PEX5L: variants seen among roughly 807,000 people sequenced by gnomAD.
PEX5L encodes the protein PEX5-related protein.
PEX5L carries 30 observed loss-of-function variants against 84.0 expected under a neutral mutation model. That is an observed-to-expected ratio of 0.36 (90% CI 0.27 to 0.48). The LOEUF (loss-of-function observed/expected upper bound fraction) is 0.48, where lower values mean the gene tolerates loss of function less well. Among genes scored for constraint, PEX5L ranks in the 20% least tolerant of loss-of-function variants. The probability of loss-of-function intolerance (pLI) is 0.99; values close to 1 mark genes in which losing one functional copy is unlikely to be tolerated. For missense variants in PEX5L, 533 were observed against 754.6 expected (o/e 0.71, Z 3.44); for synonymous variants, 270 against 283.1 (o/e 0.95, Z 0.46).
intron 8 of PEX5L, among the ~76,000 whole-genome samples, chr3:179,834,927 A>C (rs1036727871): frequency 6.6e-6 from 1 of 152,228 alleles, no homozygotes; most frequent in Non-Finnish European, 1.5e-5. Context: ...TCTTAATCCA[A>C]TACGGCTGAT....
At chr3:179,870,179 T>C (rs1749794120) in intron 7 of PEX5L, among the ~76,000 whole-genome samples, 1 of 152,220 alleles carries the variant, frequency 6.6e-6, no homozygotes, top group Non-Finnish European at 1.5e-5. Flanking sequence ...TAGCAGTAGA[T>C]ACTGACAATT....
At chr3:180,008,686 G>A (rs1165648820) in intron 1 of PEX5L, among the ~76,000 whole-genome samples, 3 of 152,140 alleles carry the variant, frequency 2.0e-5, no homozygotes, top group South Asian at 2.1e-4. Context: ...GGCAGCAAGA[G>A]AAAATGAGGA....
At chr3:179,874,738 G>GTTT (rs3836472) in intron 6 of PEX5L, among the ~76,000 whole-genome samples, 81 of 45,932 alleles carry the variant, frequency 1.8e-3, no homozygotes, top group East Asian at 5.6e-3. Context: ...TTTTTTTTTT[G>GTTT]TTTTTTTTTT....
intron 9 of PEX5L, among the ~76,000 whole-genome samples, chr3:179,819,084 C>G (rs1465384042): frequency 6.6e-6 from 1 of 151,348 alleles, no homozygotes; most frequent in African/African-American, 2.4e-5. Flanking sequence ...TTCAGGCTCA[C>G]ATTGTTTTTT....
At chr3:179,847,489 CAGCATATTAA>C (rs557374979) in intron 8 of PEX5L, among the ~76,000 whole-genome samples, 1 of 152,064 alleles carries the variant, frequency 6.6e-6, no homozygotes, top group South Asian at 2.1e-4. Context: ...GCTATATACC[CAGCATATTAA>C]AGCATATTAT....
intron 2 of PEX5L, among the ~76,000 whole-genome samples, chr3:179,966,069 TC>T (rs954755453): frequency 8.5e-5 from 13 of 152,318 alleles, no homozygotes; most frequent in African/African-American, 3.1e-4. Flanking sequence ...TCTCTCTCAT[TC>T]CAAATAAATC....
chr3:179,981,186 G>T (rs1394181586), intron 1 of PEX5L, among the ~76,000 whole-genome samples: 4 of 152,168 alleles, frequency 2.6e-5, no homozygotes, highest in Admixed American at 6.5e-5. Context: ...GTTGCCCAGG[G>T]TTGTGGGGGT....
At chr3:179,855,692 C>T (rs1029363435) in intron 8 of PEX5L, among the ~76,000 whole-genome samples, 5 of 152,088 alleles carry the variant, frequency 3.3e-5, no homozygotes, top group Non-Finnish European at 7.4e-5. Flanking sequence ...GATTAGGTCA[C>T]GAGGGCGGGG....
At chr3:179,808,930 C>T (rs1006144855) in intron 12 of PEX5L, among the ~76,000 whole-genome samples, 7 of 151,672 alleles carry the variant, frequency 4.6e-5, no homozygotes, top group Non-Finnish European at 1.0e-4. Flanking sequence ...AAAAATTAGC[C>T]GGGCGTGTTG....
intron 7 of PEX5L, among the ~76,000 whole-genome samples, chr3:179,871,425 G>T (rs1240347814): frequency 1.3e-5 from 2 of 152,118 alleles, no homozygotes; most frequent in Non-Finnish European, 2.9e-5. Context: ...TACTTTTAAG[G>T]TGAATTTTTA....
Position 179,841,085 on chromosome 3 carries a change from C to T in PEX5L, c.822+17977G>A, listed in dbSNP as rs539626559. Among the ~76,000 whole-genome samples, 49 of 152,186 alleles carry T rather than the reference C, an allele frequency of 3.2e-4. 2 individuals carry two copies. Among genetic ancestry groups the T allele is most frequent in the African/African-American group, 1.0e-3 (42 of 41,518 alleles). On this transcript the variant is annotated intron_variant, in intron 8 of 14. Transcript: ENST00000467460. ...ACAGAAAAGGAGACTGGGAACGCAT[C>T]GCCAGTGAGGTGGGAGAAAAACGAG...
chr3:179,930,619 G>A (rs998611433), intron 2 of PEX5L, among the ~76,000 whole-genome samples: 5 of 152,172 alleles, frequency 3.3e-5, no homozygotes, highest in African/African-American at 9.7e-5. Flanking sequence ...AAATAACCAT[G>A]TTTGGGCTTT....
intron 3 of PEX5L, among the ~76,000 whole-genome samples, chr3:179,897,404 T>C (rs563713332): frequency 2.8e-4 from 43 of 152,312 alleles, no homozygotes; most frequent in African/African-American, 1.0e-3. Flanking sequence ...CATATTTATG[T>C]AGATTTTACA....
chr3:179,948,230 A>C (rs7623941), intron 2 of PEX5L, among the ~76,000 whole-genome samples: 88,860 of 152,050 alleles, frequency 0.58, 26,979 homozygotes, highest in African/African-American at 0.75. Context: ...ATATTACAGT[A>C]TTTGCATTTG....
At chr3:179,902,752 A>G in intron 2 of PEX5L, 3 of 423,380 alleles carry the variant, frequency 7.1e-6, no homozygotes, top group South Asian at 3.5e-5. Flanking sequence ...AGATTCTATT[A>G]CTGCTACCAA....
chr3:179,863,095 G>A (rs1385830329), intron 7 of PEX5L, among the ~76,000 whole-genome samples: 3 of 152,180 alleles, frequency 2.0e-5, no homozygotes, highest in Non-Finnish European at 4.4e-5. Flanking sequence ...AGAAAGAACA[G>A]TGTCTTCAAT....
At chr3:179,951,139 C>T (rs932482257) in intron 2 of PEX5L, among the ~76,000 whole-genome samples, 5 of 152,136 alleles carry the variant, frequency 3.3e-5, no homozygotes, top group African/African-American at 1.2e-4. Context: ...GAAATAATAT[C>T]GAGCTTTGTG....
chr3:179,903,220 T>A (rs1383259344), intron 2 of PEX5L, among the ~76,000 whole-genome samples: 2 of 148,002 alleles, frequency 1.4e-5, no homozygotes, highest in African/African-American at 4.9e-5. Flanking sequence ...TATATATTTT[T>A]GTTTGTTTGT....
intron 1 of PEX5L, among the ~76,000 whole-genome samples, chr3:180,010,155 C>T (rs752208663): frequency 3.3e-5 from 5 of 151,664 alleles, no homozygotes; most frequent in Non-Finnish European, 5.9e-5. Flanking sequence ...CCATGTTAGC[C>T]AGGATGGTCT....
Sources: gnomAD v4.1 joint callset for allele counts (sites outside exome capture counted in the v4.1 genomes callset) on GRCh38, gnomAD v4.1.1 for gene constraint, MANE v1.5 for transcripts, NCBI Gene and HGNC (gene_info 2026-07-23, HGNC 2026-07-21) for gene names.